The following CPNE8 variants were observed in gnomAD, a reference collection of about 807,000 sequenced individuals.
CPNE8 encodes the protein copine-8.
A neutral mutation model predicts 81.5 loss-of-function variants in CPNE8; 45 were observed. The observed-to-expected ratio is 0.55, with a 90% CI of 0.44 to 0.71. CPNE8 has a LOEUF of 0.71. CPNE8 is among the 30% of genes least tolerant of loss of function. The pLI, the probability that CPNE8 is intolerant of heterozygous loss-of-function variation, is 0.00. For missense variants in CPNE8, 594 were observed against 672.1 expected (o/e 0.88, Z 1.28); for synonymous variants, 252 against 226.3 (o/e 1.11, Z -1.02).
chr12:38,875,122 A>G (rs1050510310), intron 1 of CPNE8, among the ~76,000 whole-genome samples: 2 of 152,158 alleles, frequency 1.3e-5, no homozygotes, highest in Admixed American at 6.5e-5. Flanking sequence ...TTTTTTTTCC[A>G]GATATTTCTA....
chr12:38,661,600 A>C (rs1938954093), intron 19 of CPNE8, among the ~76,000 whole-genome samples: 1 of 152,128 alleles, frequency 6.6e-6, no homozygotes, highest in Non-Finnish European at 1.5e-5. Context: ...AAGTATAATA[A>C]AAATAAGTAA....
At chr12:38,744,078 G>C (rs905297375) in intron 10 of CPNE8, among the ~76,000 whole-genome samples, 2 of 152,130 alleles carry the variant, frequency 1.3e-5, no homozygotes, top group African/African-American at 4.8e-5. Flanking sequence ...GAAAAGTTAA[G>C]TATCTGTGCT....
At chr12:38,730,529 C>T (rs1940807714) in intron 10 of CPNE8, among the ~76,000 whole-genome samples, 171 bp from the exon 11 acceptor site, 2 of 151,510 alleles carry the variant, frequency 1.3e-5, no homozygotes, top group Admixed American at 1.3e-4. Flanking sequence ...TTACATTGTT[C>T]ATTAATCTAA....
At chr12:38,853,089 T>C (rs1943672392) in intron 3 of CPNE8, among the ~76,000 whole-genome samples, 1 of 152,172 alleles carries the variant, frequency 6.6e-6, no homozygotes, top group African/African-American at 2.4e-5. Flanking sequence ...TATGACTAGT[T>C]CAGCTTATGG....
rs368516825 is a variant in CPNE8, at chr12:38,857,414, G to A, written c.187-8752C>T. ...CTTTCACTTCCAGAAAGATGGAGTCGTTTCTCTATTTTTCTTGCAAAGTAC... is the reference window on the plus strand; with the variant it reads ...CTTTCACTTCCAGAAAGATGGAGTCATTTCTCTATTTTTCTTGCAAAGTAC... On this transcript the variant is annotated intron_variant, in intron 3 of 19. Transcript: ENST00000331366. Among the ~76,000 whole-genome samples, 9 of 152,182 alleles carry A rather than the reference G, an allele frequency of 5.9e-5. No homozygotes were observed. In the South Asian group the frequency reaches 8.3e-4, roughly 14 times the overall value.
At chr12:38,745,910 G>A (rs1016838595) in intron 10 of CPNE8, among the ~76,000 whole-genome samples, 3 of 152,022 alleles carry the variant, frequency 2.0e-5, no homozygotes, top group Admixed American at 6.6e-5. Flanking sequence ...GAGTCAGGCC[G>A]ACCTGGAGAG....
intron 6 of CPNE8, among the ~76,000 whole-genome samples, chr12:38,786,314 G>A (rs1034246332): frequency 1.3e-5 from 2 of 152,174 alleles, no homozygotes; most frequent in African/African-American, 4.8e-5. Flanking sequence ...TGCCAAAAGA[G>A]ATTAACATTT....
At chr12:38,788,063 G>A (rs933029152) in intron 6 of CPNE8, among the ~76,000 whole-genome samples, 14 of 149,212 alleles carry the variant, frequency 9.4e-5, no homozygotes, top group South Asian at 2.1e-4. Flanking sequence ...AATCTTATTC[G>A]AAATATTTTT....
In CPNE8 at chr12:38,742,760, T is replaced by C. The variant is rs193121583; in HGVS notation, c.723-12402A>G. 1.5e-3 allele frequency among the ~76,000 whole-genome samples: 221 copies of C among 151,962 alleles called. 1 individual carries two copies. Among genetic ancestry groups the C allele is most frequent in the African/African-American group, 5.1e-3 (210 of 41,542 alleles). On this transcript the variant is annotated intron_variant, in intron 10 of 19. Transcript: ENST00000331366. ...ATGGCACATCAGAAATTTCTTCTGTTGTTTGCTATGTTTATTTTGTTCTAT... is the reference window on the plus strand; with the variant it reads ...ATGGCACATCAGAAATTTCTTCTGTCGTTTGCTATGTTTATTTTGTTCTAT...
At chr12:38,764,344 G>A (rs1941633582) in intron 8 of CPNE8, among the ~76,000 whole-genome samples, 2 of 152,026 alleles carry the variant, frequency 1.3e-5, no homozygotes, top group African/African-American at 2.4e-5. Flanking sequence ...TAGGCCGGGC[G>A]CAGTAGCTCA....
At chr12:38,750,398 C>T (rs750227511) in intron 10 of CPNE8, among the ~76,000 whole-genome samples, 8 of 152,126 alleles carry the variant, frequency 5.3e-5, no homozygotes, top group Non-Finnish European at 1.0e-4. Flanking sequence ...CTGCTGAGAG[C>T]TTGCACCTTG....
chr12:38,758,577 A>G lies in CPNE8; in HGVS notation c.722+2270T>C, dbSNP rs145232518. ...CCAGGGTTCAAGCCCTGGTTCCACC[A>G]TTGATTAGTTTTGCGACTTTAGGCA... On this transcript the variant is annotated intron_variant, in intron 10 of 19. Transcript: ENST00000331366. 3.2e-3 allele frequency among the ~76,000 whole-genome samples: 488 copies of G among 152,296 alleles called. 5 individuals are homozygous for G. The highest frequency in any genetic ancestry group is 0.011 in the African/African-American group (451 of 41,584).
chr12:38,759,727 C>T lies in CPNE8; in HGVS notation c.722+1120G>A, dbSNP rs183734424. 1.5e-3 allele frequency among the ~76,000 whole-genome samples: 222 copies of T among 152,258 alleles called. 1 individual carries two copies. Among genetic ancestry groups the T allele is most frequent in the African/African-American group, 5.1e-3 (210 of 41,552 alleles). ...CTTCCCTCCCCATCTTTTCTTATCA[C>T]TTCTTGAAAGAAAAAAAAAATACTA... On this transcript the variant is annotated intron_variant, in intron 10 of 19. Transcript: ENST00000331366.
chr12:38,673,946 A>T (rs1352682179), intron 18 of CPNE8, among the ~76,000 whole-genome samples: 1 of 152,078 alleles, frequency 6.6e-6, no homozygotes, highest in African/African-American at 2.4e-5. Context: ...GGAGGGAAAA[A>T]GTAATGGGAA....
chr12:38,885,089 G>A (rs1944219739), intron 1 of CPNE8, among the ~76,000 whole-genome samples: 2 of 151,932 alleles, frequency 1.3e-5, no homozygotes, highest in South Asian at 2.1e-4. Flanking sequence ...TAAAATTTTG[G>A]CATAAAGGAT....
intron 3 of CPNE8, among the ~76,000 whole-genome samples, chr12:38,859,641 C>A (rs1354672699): frequency 6.6e-6 from 1 of 152,074 alleles, no homozygotes; most frequent in Non-Finnish European, 1.5e-5. Context: ...AAGAACAAAG[C>A]TCCAGGTATC....
intron 6 of CPNE8, among the ~76,000 whole-genome samples, chr12:38,778,706 G>A (rs1941985737): frequency 6.6e-6 from 1 of 152,128 alleles, no homozygotes; most frequent in African/African-American, 2.4e-5. Context: ...TTCCTTAACT[G>A]TTAAAAGGAC....
At chr12:38,840,243 A>C (rs1025687373) in intron 4 of CPNE8, among the ~76,000 whole-genome samples, 1 of 152,102 alleles carries the variant, frequency 6.6e-6, no homozygotes, top group African/African-American at 2.4e-5. Context: ...TTCTGTGCAT[A>C]AGTTTAAACC....
intron 13 of CPNE8, among the ~76,000 whole-genome samples, chr12:38,714,252 A>G (rs1395085750): frequency 2.6e-5 from 4 of 152,138 alleles, no homozygotes; most frequent in Non-Finnish European, 5.9e-5. Flanking sequence ...CTAAGAAATT[A>G]TCTTAGATTT....
Sources: allele counts gnomAD v4.1 joint callset (sites outside exome capture counted in the v4.1 genomes callset), GRCh38; gene constraint gnomAD v4.1.1; transcripts MANE v1.5; gene names NCBI Gene and HGNC (gene_info 2026-07-23, HGNC 2026-07-21).